PPP3CA: variants seen among roughly 807,000 people sequenced by gnomAD.
PPP3CA encodes the protein protein phosphatase 3 catalytic subunit alpha.
In PPP3CA, 14 loss-of-function variants were observed where a neutral mutation model predicts 66.5. The observed-to-expected ratio is 0.21, with a 90% CI of 0.14 to 0.33. The LOEUF (loss-of-function observed/expected upper bound fraction) is 0.33, where lower values mean the gene tolerates loss of function less well. Among genes scored for constraint, PPP3CA ranks in the 10% least tolerant of loss-of-function variants. The pLI, the probability that PPP3CA is intolerant of heterozygous loss-of-function variation, is 1.00. For synonymous variants in PPP3CA, 232 were observed against 226.2 expected, an observed-to-expected ratio of 1.03 and a Z score of -0.23; for missense variants, 317 against 639.5, an observed-to-expected ratio of 0.50 and a Z score of 5.44.
chr4:101,237,779 A>C (rs1726174794), intron 1 of PPP3CA, among the ~76,000 whole-genome samples: 1 of 152,076 alleles, frequency 6.6e-6, no homozygotes, highest in Non-Finnish European at 1.5e-5. Context: ...CACTGGCCAG[A>C]TCCCCTAGTC....
At chr4:101,243,360 G>A (rs577940354) in intron 1 of PPP3CA, among the ~76,000 whole-genome samples, 1 of 152,164 alleles carries the variant, frequency 6.6e-6, no homozygotes, top group East Asian at 1.9e-4. Flanking sequence ...AAAAGCATTA[G>A]GCTAAGAAAC....
chr4:101,200,795 G>A (rs1050762339), intron 1 of PPP3CA, among the ~76,000 whole-genome samples: 3 of 152,130 alleles, frequency 2.0e-5, no homozygotes, highest in Admixed American at 6.6e-5. Context: ...ATAAAAGGAA[G>A]TGAAGTCCAG....
Position 101,037,458 on chromosome 4 carries a change from C to T in PPP3CA, c.1241+3024G>A, listed in dbSNP as rs114575956. Reference sequence around the variant, plus strand: ...AAGTATACCTGACAAATTTGTACCACATTCCACATTCATTAATCACGTCCT... The same window carrying T: ...AAGTATACCTGACAAATTTGTACCATATTCCACATTCATTAATCACGTCCT... On this transcript the variant is annotated intron_variant, in intron 11 of 13. Transcript: ENST00000394854. Among the ~76,000 whole-genome samples the T allele has an allele frequency of 1.8e-3, 274 of 152,308 alleles. 5 individuals are homozygous for T. Among genetic ancestry groups the T allele is most frequent in the African/African-American group, 6.2e-3 (259 of 41,568 alleles).
intron 2 of PPP3CA, among the ~76,000 whole-genome samples, chr4:101,154,417 A>G (rs1019484300): frequency 6.6e-6 from 1 of 152,188 alleles, no homozygotes; most frequent in Non-Finnish European, 1.5e-5. Context: ...CACGTGATTT[A>G]CTCTGTACAA....
At chr4:101,254,887 A>G (rs534076889) in intron 1 of PPP3CA, among the ~76,000 whole-genome samples, 1 of 151,882 alleles carries the variant, frequency 6.6e-6, no homozygotes, top group Non-Finnish European at 1.5e-5. Flanking sequence ...TCTTGAAAGT[A>G]AACGCTGTGT....
chr4:101,094,029 C>T (rs1416611371), intron 5 of PPP3CA, 114 bp from the exon 6 acceptor site: 7 of 972,994 alleles, frequency 7.2e-6, no homozygotes, highest in Non-Finnish European at 1.0e-5. Flanking sequence ...AGCTACAGCT[C>T]AGGGTGAAAT....
chr4:101,162,672 G>C (rs1286324731), intron 2 of PPP3CA, among the ~76,000 whole-genome samples: 1 of 152,040 alleles, frequency 6.6e-6, no homozygotes, highest in African/African-American at 2.4e-5. Flanking sequence ...TTTCTTAGTT[G>C]ATCCACTCAA....
chr4:101,092,515 C>A (rs1034100945), intron 6 of PPP3CA, among the ~76,000 whole-genome samples: 1 of 151,092 alleles, frequency 6.6e-6, no homozygotes, highest in African/African-American at 2.4e-5. Context: ...TATACATGTG[C>A]CCTGGCGGTT....
chr4:101,206,088 T>G (rs1284829755), intron 1 of PPP3CA, among the ~76,000 whole-genome samples: 1 of 152,180 alleles, frequency 6.6e-6, no homozygotes, highest in African/African-American at 2.4e-5. Context: ...TCAGTAATGC[T>G]TACACTGTTT....
chr4:101,203,473 C>T (rs867979196), intron 1 of PPP3CA, among the ~76,000 whole-genome samples: 21 of 151,878 alleles, frequency 1.4e-4, no homozygotes, highest in Admixed American at 2.0e-4. Flanking sequence ...CCAGCCTGGG[C>T]GACAGAGCAA....
At chr4:101,049,355 T>G (rs2178006) in intron 10 of PPP3CA, among the ~76,000 whole-genome samples, 3 of 151,838 alleles carry the variant, frequency 2.0e-5, no homozygotes, top group East Asian at 3.9e-4. Flanking sequence ...TTGCTCCCCC[T>G]GCCTTTGTTT....
intron 10 of PPP3CA, among the ~76,000 whole-genome samples, chr4:101,044,744 A>G (rs1416834642): frequency 6.6e-6 from 1 of 152,082 alleles, no homozygotes; most frequent in Admixed American, 6.6e-5. Flanking sequence ...TTTCCTCAAC[A>G]TGGGGGAGGC....
At chr4:101,049,298 T>G (rs190765071) in intron 10 of PPP3CA, among the ~76,000 whole-genome samples, 7 of 152,172 alleles carry the variant, frequency 4.6e-5, no homozygotes, top group Admixed American at 4.6e-4. Context: ...TTTCCATTGA[T>G]TTTTCAAGAA....
chr4:101,224,817 C>T (rs1725731012), intron 1 of PPP3CA, among the ~76,000 whole-genome samples: 1 of 151,806 alleles, frequency 6.6e-6, no homozygotes, highest in East Asian at 1.9e-4. Context: ...TTCAGTAACT[C>T]TTAATGCTCA....
At chr4:101,232,788 C>G (rs1469706530) in intron 1 of PPP3CA, among the ~76,000 whole-genome samples, 3 of 151,584 alleles carry the variant, frequency 2.0e-5, no homozygotes, top group Non-Finnish European at 4.4e-5. Context: ...TAAAAACATA[C>G]TATTATTATT....
chr4:101,291,841 C>A (rs1024805683), intron 1 of PPP3CA, among the ~76,000 whole-genome samples: 1 of 152,096 alleles, frequency 6.6e-6, no homozygotes, highest in African/African-American at 2.4e-5. Flanking sequence ...TCCTATAACA[C>A]ACATGGGCCA....
At chr4:101,295,951 GT>G (rs1728187275) in intron 1 of PPP3CA, among the ~76,000 whole-genome samples, 1 of 152,210 alleles carries the variant, frequency 6.6e-6, no homozygotes, top group Non-Finnish European at 1.5e-5. Context: ...CTTTGGAACT[GT>G]AAGACCTCAA....
intron 8 of PPP3CA, 84 bp from the exon 9 acceptor site, chr4:101,063,441 A>G (rs1728556064): frequency 2.1e-6 from 3 of 1,457,962 alleles, no homozygotes; most frequent in Non-Finnish European, 2.8e-6. Context: ...AGAAAATTCA[A>G]CCATTTGACT....
intron 7 of PPP3CA, among the ~76,000 whole-genome samples, chr4:101,080,885 A>G (rs1729406003): frequency 6.6e-6 from 1 of 152,166 alleles, no homozygotes; most frequent in Non-Finnish European, 1.5e-5. Flanking sequence ...ACCTCAAGAG[A>G]GGGTGGAATT....
Sources: allele counts gnomAD v4.1 joint callset (sites outside exome capture counted in the v4.1 genomes callset), GRCh38; gene constraint gnomAD v4.1.1; transcripts MANE v1.5; gene names NCBI Gene and HGNC (gene_info 2026-07-23, HGNC 2026-07-21).